ARB2A: variants seen among roughly 807,000 people sequenced by gnomAD.
ARB2A encodes the protein ARB2 cotranscriptional regulator A.
At chr5:93,709,520 C>A in the ARB2A span, among the ~76,000 whole-genome samples, 3 of 149,156 alleles carry the variant, frequency 2.0e-5, no homozygotes, top group South Asian at 6.4e-4. Flanking sequence ...GTAATCCCAG[C>A]TACTTGGGAG....
chr5:93,701,111 G>A, the ARB2A span, among the ~76,000 whole-genome samples: 1 of 152,114 alleles, frequency 6.6e-6, no homozygotes, highest in Admixed American at 6.6e-5. Context: ...AATAACAATT[G>A]TAATTTTGCT....
chr5:93,906,975 A>G, the ARB2A span, among the ~76,000 whole-genome samples: 1 of 151,488 alleles, frequency 6.6e-6, no homozygotes, highest in South Asian at 2.1e-4. Context: ...ATTTCAAAAG[A>G]TTTTAGGTGC....
At chr5:93,650,319 CCTT>C in the ARB2A span, among the ~76,000 whole-genome samples, 1 of 151,982 alleles carries the variant, frequency 6.6e-6, no homozygotes, top group African/African-American at 2.4e-5. Flanking sequence ...CAAATTGAAA[CCTT>C]AGAACACCAA....
the ARB2A span, among the ~76,000 whole-genome samples, chr5:93,924,991 CCTGA>C: frequency 3.3e-5 from 5 of 152,188 alleles, no homozygotes; most frequent in East Asian, 3.9e-4. Flanking sequence ...GAATGTTTCT[CCTGA>C]CTAACTACCA....
At chr5:93,878,885 T>C in the ARB2A span, among the ~76,000 whole-genome samples, 1 of 152,118 alleles carries the variant, frequency 6.6e-6, no homozygotes, top group East Asian at 1.9e-4. Flanking sequence ...CTAGTCCTGG[T>C]TTCAACAAGT....
At chr5:93,670,714 TACAAAC>T in the ARB2A span, among the ~76,000 whole-genome samples, 1 of 152,202 alleles carries the variant, frequency 6.6e-6, no homozygotes, top group South Asian at 2.1e-4. Flanking sequence ...AATGAGAACT[TACAAAC>T]ATAATATTTC....
the ARB2A span, chr5:93,619,394 C>T: frequency 6.6e-6 from 1 of 152,156 alleles, no homozygotes; most frequent in African/African-American, 2.4e-5. Flanking sequence ...AATGAATGTA[C>T]TTGTATGTCA....
chr5:93,677,083 C>T, the ARB2A span, among the ~76,000 whole-genome samples: 1 of 152,110 alleles, frequency 6.6e-6, no homozygotes, highest in Non-Finnish European at 1.5e-5. Context: ...TTATGATGAC[C>T]TGCAATGATC....
chr5:93,977,767 G>A, the ARB2A span, among the ~76,000 whole-genome samples: 2 of 151,986 alleles, frequency 1.3e-5, no homozygotes, highest in African/African-American at 2.4e-5. Flanking sequence ...TTGACAACTG[G>A]GACCTAATTA....
chr5:93,775,481 T>C, the ARB2A span, among the ~76,000 whole-genome samples: 1 of 152,228 alleles, frequency 6.6e-6, no homozygotes, highest in Non-Finnish European at 1.5e-5. Context: ...TCTTACCTAG[T>C]GACTCAAATA....
chr5:93,871,645 AG>A, the ARB2A span, among the ~76,000 whole-genome samples: 1 of 152,222 alleles, frequency 6.6e-6, no homozygotes. Flanking sequence ...GCCAGACATT[AG>A]ATTTTCAAAA....
the ARB2A span, among the ~76,000 whole-genome samples, chr5:93,724,535 T>G: frequency 1.3e-5 from 2 of 152,116 alleles, no homozygotes; most frequent in Non-Finnish European, 2.9e-5. Flanking sequence ...AAACTTTAGC[T>G]AGTTAAAATT....
chr5:93,825,067 T>A, the ARB2A span, among the ~76,000 whole-genome samples: 1 of 152,162 alleles, frequency 6.6e-6, no homozygotes, highest in African/African-American at 2.4e-5. Context: ...ATGTTTCATC[T>A]CCCGTTGTAA....
At chr5:93,830,311 G>GTGTATGTGTATATATATATA in the ARB2A span, among the ~76,000 whole-genome samples, 1 of 82,260 alleles carries the variant, frequency 1.2e-5, no homozygotes, top group African/African-American at 5.2e-5. Flanking sequence ...GTGTGTGTGT[G>GTGTATGTGTATATATATATA]TATATATATA....
the ARB2A span, among the ~76,000 whole-genome samples, chr5:94,004,864 C>G: frequency 6.6e-6 from 1 of 151,384 alleles, no homozygotes; most frequent in Non-Finnish European, 1.5e-5. Flanking sequence ...ACATTGAACT[C>G]AGCCAAAACA....
the ARB2A span, among the ~76,000 whole-genome samples, chr5:93,843,958 A>T: frequency 2.0e-5 from 3 of 152,150 alleles, no homozygotes; most frequent in East Asian, 5.8e-4. Flanking sequence ...AGTATAATGA[A>T]TGAAATATAT....
At chr5:94,031,404 C>G in the ARB2A span, among the ~76,000 whole-genome samples, 7 of 152,164 alleles carry the variant, frequency 4.6e-5, no homozygotes, top group African/African-American at 1.7e-4. Context: ...AACAACCTGG[C>G]TATACTGTAG....
the ARB2A span, chr5:93,824,254 G>A: frequency 6.3e-7 from 1 of 1,582,826 alleles, no homozygotes; most frequent in African/African-American, 1.4e-5. Context: ...ATGTTCTTCA[G>A]GAGAACCATT....
the ARB2A span, among the ~76,000 whole-genome samples, chr5:94,000,370 T>A: frequency 3.9e-5 from 6 of 152,076 alleles, no homozygotes; most frequent in African/African-American, 7.2e-5. Context: ...AGATATGTAG[T>A]GGTATCTCAT....
Sources: allele counts gnomAD v4.1 joint callset (sites outside exome capture counted in the v4.1 genomes callset), GRCh38; gene constraint gnomAD v4.1.1; transcripts MANE v1.5; gene names NCBI Gene and HGNC (gene_info 2026-07-23, HGNC 2026-07-21).